The following CDC14B variants were observed in gnomAD, a reference collection of about 807,000 sequenced individuals.
CDC14B encodes dual specificity protein phosphatase CDC14B.
CDC14B carries 22 observed loss-of-function variants against 64.2 expected under a neutral mutation model. That is an observed-to-expected ratio of 0.34 (90% confidence interval 0.24 to 0.49). CDC14B has a LOEUF of 0.49. Among genes scored for constraint, CDC14B ranks in the 20% least tolerant of loss-of-function variants. The pLI, the probability that CDC14B is intolerant of heterozygous loss-of-function variation, is 0.99. For synonymous variants in CDC14B, 191 were observed against 215.8 expected (o/e 0.89, Z 1.01); for missense variants, 498 against 629.9 (o/e 0.79, Z 2.24).
intron 1 of CDC14B, among the ~76,000 whole-genome samples, chr9:96,615,837 TA>T (rs1217017431): frequency 1.3e-5 from 2 of 152,220 alleles, no homozygotes; most frequent in Non-Finnish European, 2.9e-5. Flanking sequence ...GAGGAATGGA[TA>T]AAGTCCATAT....
downstream of CDC14B, among the ~76,000 whole-genome samples, chr9:96,498,115 G>A (rs561362562): frequency 3.3e-5 from 5 of 152,312 alleles, no homozygotes; most frequent in African/African-American, 1.2e-4. Context: ...TAGTCAGGGC[G>A]TGCTACAGAG....
intron 1 of CDC14B, among the ~76,000 whole-genome samples, chr9:96,584,948 G>A (rs1172810420): frequency 2.6e-5 from 4 of 152,158 alleles, no homozygotes; most frequent in South Asian, 4.1e-4. Flanking sequence ...AAGCCACCAC[G>A]CCTGGCCAAG....
exon 14 of CDC14B, chr9:96,492,220 A>T (rs1833109548): frequency 6.6e-6 from 1 of 152,258 alleles, no homozygotes; most frequent in Non-Finnish European, 1.5e-5. Flanking sequence ...GTCTCCTGAA[A>T]AGTGGAGGTC....
At chr9:96,594,260 G>A (rs186222487) in intron 1 of CDC14B, among the ~76,000 whole-genome samples, 25 of 152,300 alleles carry the variant, frequency 1.6e-4, no homozygotes, top group African/African-American at 6.0e-4. Flanking sequence ...TAACGACATG[G>A]AGCTGAGTCC....
At chr9:96,533,263 C>T (rs1341678681) in intron 9 of CDC14B, among the ~76,000 whole-genome samples, 1 of 152,230 alleles carries the variant, frequency 6.6e-6, no homozygotes, top group African/African-American at 2.4e-5. Context: ...GCCACCATGC[C>T]CGGCCTGGAT....
At chr9:96,590,075 G>A (rs1208705636) in intron 1 of CDC14B, among the ~76,000 whole-genome samples, 1 of 151,992 alleles carries the variant, frequency 6.6e-6, no homozygotes, top group Non-Finnish European at 1.5e-5. Context: ...ACACTGCTGC[G>A]CAATACATCT....
intron 1 of CDC14B, among the ~76,000 whole-genome samples, chr9:96,612,823 G>A (rs1847405704): frequency 6.6e-6 from 1 of 152,170 alleles, no homozygotes; most frequent in Non-Finnish European, 1.5e-5. Flanking sequence ...TGGCAGAGTA[G>A]GTATTCATTT....
chr9:96,516,187 A>C (rs1168294760), intron 12 of CDC14B, among the ~76,000 whole-genome samples: 2 of 152,206 alleles, frequency 1.3e-5, no homozygotes, highest in Non-Finnish European at 2.9e-5. Flanking sequence ...ACAAACAAAA[A>C]AACACAAAAC....
intron 9 of CDC14B, among the ~76,000 whole-genome samples, chr9:96,531,451 G>A (rs1015437167): frequency 6.6e-6 from 1 of 152,044 alleles, no homozygotes; most frequent in African/African-American, 2.4e-5. Context: ...GTACTGATCA[G>A]CTTTATTTCT....
At chr9:96,496,002 C>T (rs562377439), downstream of CDC14B, among the ~76,000 whole-genome samples, 1 of 152,280 alleles carries the variant, frequency 6.6e-6, no homozygotes, top group South Asian at 2.1e-4. Context: ...ATGGAGGGGC[C>T]TCAGCTTCCA....
chr9:96,611,451 G>A (rs948017848), intron 1 of CDC14B, among the ~76,000 whole-genome samples: 3 of 152,154 alleles, frequency 2.0e-5, no homozygotes, highest in Non-Finnish European at 2.9e-5. Flanking sequence ...TAGATGAGGC[G>A]TGGCTTTGAG....
intron 1 of CDC14B, among the ~76,000 whole-genome samples, chr9:96,581,136 A>G (rs904519503): frequency 2.0e-5 from 3 of 152,178 alleles, no homozygotes; most frequent in Non-Finnish European, 4.4e-5. Flanking sequence ...AGGCTGAGGC[A>G]GGAGAATCGC....
At chr9:96,578,786 G>A (rs1844957037) in intron 1 of CDC14B, among the ~76,000 whole-genome samples, 1 of 152,160 alleles carries the variant, frequency 6.6e-6, no homozygotes, top group South Asian at 2.1e-4. Flanking sequence ...AATAAAGTCT[G>A]CAGTATAATT....
intron 1 of CDC14B, among the ~76,000 whole-genome samples, chr9:96,597,296 T>C (rs1846147040): frequency 1.3e-5 from 2 of 151,852 alleles, no homozygotes; most frequent in Non-Finnish European, 2.9e-5. Context: ...GAGTTCGAGA[T>C]GAGCCTGGCC....
At chr9:96,616,146 T>A (rs1425658542) in intron 1 of CDC14B, among the ~76,000 whole-genome samples, 1 of 151,646 alleles carries the variant, frequency 6.6e-6, no homozygotes, top group East Asian at 2.0e-4. Context: ...GCCAACATAG[T>A]GAAACCCCAT....
In CDC14B at chr9:96,503,040, T is replaced by C. The variant is rs1833695942; in HGVS notation, c.*713A>G. On this transcript the variant is annotated 3_prime_UTR_variant, in exon 14 of 14. Coordinates refer to ENST00000375241, the MANE Select transcript of CDC14B (RefSeq NM_033331.4). The stretch of plus-strand genomic sequence containing the variant: ...GAAAAAGGAACGACTTGCAACATCT[T>C]CCAACTCTGAAGTCAGTTTCTCCTC... The C allele has an allele frequency of 2.5e-6, 1 of 395,078 alleles. No individual in the cohort carries two copies. The highest frequency in any genetic ancestry group is 3.6e-5 in the East Asian group (1 of 27,936). 24.5% of individuals were successfully genotyped at this position (395,078 alleles called of 1,614,324 possible).
intron 1 of CDC14B, among the ~76,000 whole-genome samples, chr9:96,583,394 A>C (rs1845278941): frequency 2.1e-5 from 3 of 144,840 alleles, no homozygotes; most frequent in Non-Finnish European, 4.5e-5. Flanking sequence ...TATTATTATT[A>C]TTATTATTAT....
At chr9:96,598,927 ATG>A (rs1241837322) in intron 1 of CDC14B, among the ~76,000 whole-genome samples, 1 of 152,262 alleles carries the variant, frequency 6.6e-6, no homozygotes, top group Non-Finnish European at 1.5e-5. Flanking sequence ...TACAAAAAGA[ATG>A]AGAAAATTCT....
exon 14 of CDC14B, chr9:96,492,290 G>A (rs1833110479): frequency 6.6e-6 from 1 of 152,352 alleles, no homozygotes; most frequent in African/African-American, 2.4e-5. Context: ...TCTGAATCAG[G>A]AGTTGACTGC....
Sources: gnomAD v4.1 joint callset for allele counts (sites outside exome capture counted in the v4.1 genomes callset) on GRCh38, gnomAD v4.1.1 for gene constraint, MANE v1.5 for transcripts, NCBI Gene and HGNC (gene_info 2026-07-23, HGNC 2026-07-21) for gene names.